Variants in SKIC3 observed in about 807,000 individuals in gnomAD.
The protein encoded by SKIC3 is SKI3 subunit of superkiller complex, also known as superkiller complex protein 3.
the SKIC3 span, chr5:95,464,407 A>AT: frequency 0.039 from 16,784 of 426,746 alleles, 1 homozygote; most frequent in East Asian, 0.054. Flanking sequence ...CCCAAATTAA[A>AT]TTTTTTTTTT....
At chr5:95,543,349 G>A in the SKIC3 span, 1 of 1,612,704 alleles carries the variant, frequency 6.2e-7, no homozygotes, top group Non-Finnish European at 8.5e-7. Context: ...AAAATTAAAA[G>A]AGTAGGTTAG....
chr5:95,535,513 T>C, the SKIC3 span, among the ~76,000 whole-genome samples: 2 of 151,300 alleles, frequency 1.3e-5, no homozygotes, highest in Non-Finnish European at 1.5e-5. Flanking sequence ...GGTTTCACCG[T>C]GTTAGCCAGG....
At chr5:95,548,766 TAAAAAGAGAC>T in the SKIC3 span, 10 of 151,658 alleles carry the variant, frequency 6.6e-5, no homozygotes, top group East Asian at 1.2e-3. Flanking sequence ...TCTAGATCAA[TAAAAAGAGAC>T]AAAAAGAGAC....
chr5:95,467,293 A>T, the SKIC3 span, among the ~76,000 whole-genome samples: 1 of 152,320 alleles, frequency 6.6e-6, no homozygotes, highest in East Asian at 1.9e-4. Flanking sequence ...TGAATCTATT[A>T]TATTTTATTA....
At chr5:95,510,813 G>T in the SKIC3 span, among the ~76,000 whole-genome samples, 2 of 152,116 alleles carry the variant, frequency 1.3e-5, no homozygotes, top group African/African-American at 4.8e-5. Context: ...TTTTTCTATT[G>T]CAATTCCCCT....
chr5:95,505,767 C>T, the SKIC3 span, among the ~76,000 whole-genome samples: 2 of 151,014 alleles, frequency 1.3e-5, no homozygotes, highest in Admixed American at 6.6e-5. Flanking sequence ...GAGCCAAGAT[C>T]GCGCCACTGC....
At chr5:95,523,328 T>C in the SKIC3 span, 4 of 1,611,828 alleles carry the variant, frequency 2.5e-6, no homozygotes, top group African/African-American at 4.0e-5. Context: ...AGCCATTTCC[T>C]AATAATAAGA....
At chr5:95,543,449 G>T in the SKIC3 span, 1 of 1,109,778 alleles carries the variant, frequency 9.0e-7, no homozygotes, top group Non-Finnish European at 1.3e-6. Context: ...GCAAACTTCA[G>T]AATGCCATTT....
chr5:95,527,091 G>A, the SKIC3 span, among the ~76,000 whole-genome samples: 1 of 152,024 alleles, frequency 6.6e-6, no homozygotes, highest in African/African-American at 2.4e-5. Flanking sequence ...CATTAGTAAC[G>A]CCCTTTTTAG....
At chr5:95,541,911 A>G in the SKIC3 span, 1 of 1,577,956 alleles carries the variant, frequency 6.3e-7, no homozygotes, top group Non-Finnish European at 8.7e-7. Flanking sequence ...TAACCCCTAA[A>G]AGAAGAAGTA....
At chr5:95,471,389 T>C in the SKIC3 span, among the ~76,000 whole-genome samples, 1 of 152,204 alleles carries the variant, frequency 6.6e-6, no homozygotes, top group African/African-American at 2.4e-5. Context: ...GTGATCAGAA[T>C]GCACTTCTGT....
the SKIC3 span, among the ~76,000 whole-genome samples, chr5:95,537,295 G>A: frequency 6.6e-6 from 1 of 152,186 alleles, no homozygotes; most frequent in Non-Finnish European, 1.5e-5. Context: ...AAATGTACAT[G>A]TAAGTTTTGG....
chr5:95,483,926 G>T, the SKIC3 span, among the ~76,000 whole-genome samples: 1 of 152,132 alleles, frequency 6.6e-6, no homozygotes, highest in Non-Finnish European at 1.5e-5. Context: ...ATGTGATCCA[G>T]AACTTTGGAA....
the SKIC3 span, chr5:95,548,657 A>G: frequency 3.9e-5 from 6 of 152,074 alleles, no homozygotes; most frequent in Admixed American, 1.3e-4. Context: ...AACAAATTTC[A>G]ATGCTGATTT....
chr5:95,546,444 T>C, the SKIC3 span, among the ~76,000 whole-genome samples: 1 of 151,980 alleles, frequency 6.6e-6, no homozygotes, highest in Non-Finnish European at 1.5e-5. Flanking sequence ...TCTCATCTTA[T>C]ACTTTGCCAA....
At chr5:95,528,004 C>T in the SKIC3 span, 6 of 1,613,268 alleles carry the variant, frequency 3.7e-6, no homozygotes, top group Admixed American at 5.0e-5. Flanking sequence ...AAAAACTTGA[C>T]AAGTCTACCT....
the SKIC3 span, among the ~76,000 whole-genome samples, chr5:95,546,644 C>G: frequency 1.3e-5 from 2 of 152,168 alleles, no homozygotes; most frequent in African/African-American, 4.8e-5. Flanking sequence ...CTCTGTCTCT[C>G]CCCCGAGTCC....
At chr5:95,536,123 C>A in the SKIC3 span, among the ~76,000 whole-genome samples, 2 of 152,226 alleles carry the variant, frequency 1.3e-5, no homozygotes, top group South Asian at 4.1e-4. Flanking sequence ...GGTTACCCAA[C>A]TCCCAGCAAG....
the SKIC3 span, chr5:95,516,856 A>C: frequency 2.3e-5 from 36 of 1,559,374 alleles, no homozygotes; most frequent in Non-Finnish European, 3.1e-5. Context: ...CATCCAAAAC[A>C]ACTTCGAGAA....
Sources: allele counts gnomAD v4.1 joint callset (sites outside exome capture counted in the v4.1 genomes callset), GRCh38; gene constraint gnomAD v4.1.1; transcripts MANE v1.5; gene names NCBI Gene and HGNC (gene_info 2026-07-23, HGNC 2026-07-21).